Variants in DSCAM observed in about 807,000 individuals in gnomAD.
The protein encoded by DSCAM is DS cell adhesion molecule.
Under a neutral mutation model 217.7 loss-of-function variants are expected in DSCAM, and 47 were observed. The ratio of observed to expected loss-of-function variants is 0.22; its 90% CI spans 0.17 to 0.28. The LOEUF is 0.28. DSCAM is among the 10% of genes least tolerant of loss of function. DSCAM has a pLI of 1.00. For missense variants in DSCAM, 2,080 were observed against 2,618.3 expected (o/e 0.79, Z 4.49); for synonymous variants, 1,056 against 1,015.3 (o/e 1.04, Z -0.76).
chr21:40,305,580 G>C (rs1056480583), intron 9 of DSCAM, among the ~76,000 whole-genome samples: 7 of 151,964 alleles, frequency 4.6e-5, no homozygotes, highest in South Asian at 2.1e-4. Flanking sequence ...TTAGGTCTAA[G>C]GTTTAAGTCT....
At chr21:40,179,958 G>A (rs923953546) in intron 14 of DSCAM, among the ~76,000 whole-genome samples, 1 of 152,230 alleles carries the variant, frequency 6.6e-6, no homozygotes, top group Non-Finnish European at 1.5e-5. Flanking sequence ...CAGAGATGGT[G>A]CCTACATATT....
At chr21:40,401,282 G>C (rs1569105212) in intron 3 of DSCAM, among the ~76,000 whole-genome samples, 2 of 152,122 alleles carry the variant, frequency 1.3e-5, no homozygotes, top group East Asian at 3.9e-4. Flanking sequence ...CACTTTATGG[G>C]AATACATTTC....
At chr21:40,581,288 A>G (rs1249005655) in intron 3 of DSCAM, among the ~76,000 whole-genome samples, 3 of 152,206 alleles carry the variant, frequency 2.0e-5, no homozygotes, top group Admixed American at 6.5e-5. Flanking sequence ...TGCTAGTTCC[A>G]TGGGCTGAGC....
At chr21:40,031,924 C>G (rs192219078) in intron 32 of DSCAM, among the ~76,000 whole-genome samples, 1 of 152,302 alleles carries the variant, frequency 6.6e-6, no homozygotes, top group East Asian at 1.9e-4. Flanking sequence ...GAGGGGTCAG[C>G]CTTGTCTTCC....
intron 8 of DSCAM, among the ~76,000 whole-genome samples, chr21:40,315,572 C>T (rs1016148471): frequency 1.4e-4 from 21 of 152,050 alleles, no homozygotes; most frequent in Non-Finnish European, 2.5e-4. Flanking sequence ...AAAACCAAAA[C>T]GAAAACCAAA....
intron 1 of DSCAM, among the ~76,000 whole-genome samples, chr21:40,770,875 G>A (rs1219251873): frequency 3.3e-5 from 5 of 152,190 alleles, no homozygotes; most frequent in East Asian, 1.9e-4. Flanking sequence ...CAGATGCAGA[G>A]GCATATTGAA....
chr21:40,383,819 TAAGTAAACAAGAATTATTCA>T (rs1472989959), intron 3 of DSCAM: 1 of 152,194 alleles, frequency 6.6e-6, no homozygotes, highest in Non-Finnish European at 1.5e-5. Context: ...TACATTGTTT[TAAGTAAACAAGAATTATTCA>T]AAGGACAAAA....
rs1195878477 is a variant in DSCAM at position 40,266,793 on chromosome 21, TATATATAC to T, written c.2356+9296_2356+9303del. 4.8e-3 allele frequency among the ~76,000 whole-genome samples: 649 copies of T among 136,284 alleles called. 8 individuals are homozygous for T. Among genetic ancestry groups the T allele is most frequent in the Middle Eastern group, 0.029 (8 of 274 alleles). 89.4% of individuals were successfully genotyped at this position (136,284 alleles called of 152,430 possible). On this transcript the variant is annotated intron_variant, in intron 11 of 32. Coordinates refer to ENST00000400454, the MANE Select transcript of DSCAM (RefSeq NM_001389.5). ...TTTCACATGCATATATATATATATA[TATATATAC>T]ACACACACACACCCCCACACACATC...
intron 11 of DSCAM, among the ~76,000 whole-genome samples, chr21:40,259,903 A>G (rs1247884616): frequency 6.6e-6 from 1 of 151,038 alleles, no homozygotes; most frequent in Non-Finnish European, 1.5e-5. Flanking sequence ...AGTTTTTTGT[A>G]TTTTTAGTAG....
At chr21:40,437,027 G>T (rs1056741763) in intron 3 of DSCAM, among the ~76,000 whole-genome samples, 13 of 152,184 alleles carry the variant, frequency 8.5e-5, no homozygotes, top group Non-Finnish European at 1.3e-4. Context: ...CTGCAGATAT[G>T]CCACATACCT....
At chr21:40,605,633 A>G (rs1176962330) in intron 3 of DSCAM, among the ~76,000 whole-genome samples, 1 of 152,144 alleles carries the variant, frequency 6.6e-6, no homozygotes, top group African/African-American at 2.4e-5. Flanking sequence ...GGGTTGGGCC[A>G]CATTTGGCCT....
chr21:40,075,307 TC>T, intron 26 of DSCAM, 94 bp from the exon 27 acceptor site: 1 of 1,363,756 alleles, frequency 7.3e-7, no homozygotes, highest in Admixed American at 2.0e-5. Flanking sequence ...CGCTGTGTGA[TC>T]CAAGGGTGTT....
Position 40,305,908 on chromosome 21 carries a change from T to C in DSCAM, c.2062+6173A>G, listed in dbSNP as rs997285166. ...CCAGCTTTGTTCTTTTGGCTTAGGA[T>C]TGACTTGGCGACGCGGGCTCTTTTT... On this transcript the variant is annotated intron_variant, in intron 9 of 32. Transcript: ENST00000400454. 1.5e-4 allele frequency among the ~76,000 whole-genome samples: 23 copies of C among 152,164 alleles called. No homozygotes were observed. In the East Asian group the frequency reaches 1.5e-3, roughly 10 times the overall value.
At chr21:40,393,202 C>A (rs765674499) in intron 3 of DSCAM, among the ~76,000 whole-genome samples, 26 of 152,184 alleles carry the variant, frequency 1.7e-4, no homozygotes, top group Non-Finnish European at 2.8e-4. Flanking sequence ...ATTTCTCAGT[C>A]TCTCCCACTT....
At chr21:40,082,513 C>A (rs2089476941) in intron 24 of DSCAM, among the ~76,000 whole-genome samples, 1 of 147,202 alleles carries the variant, frequency 6.8e-6, no homozygotes, top group Non-Finnish European at 1.5e-5. Context: ...GTGACTCGTA[C>A]AATTTGTGCT....
At chr21:40,770,565 A>G (rs9982814) in intron 1 of DSCAM, among the ~76,000 whole-genome samples, 51,226 of 152,174 alleles carry the variant, frequency 0.34, 9,006 homozygotes, top group African/African-American at 0.42. Flanking sequence ...CAGGGCTCAC[A>G]GCCCTTACCG....
In DSCAM at chr21:40,339,427, C is replaced by G; in HGVS notation, c.1211-12G>C. ...TTTGGGAGTTCCATCTGCAGGAAAACAAATTATGGAAGAAAGTGGCACATA... is the reference window on the plus strand; with the variant it reads ...TTTGGGAGTTCCATCTGCAGGAAAAGAAATTATGGAAGAAAGTGGCACATA... On this transcript the variant is annotated splice_polypyrimidine_tract_variant and intron_variant, in intron 6 of 32. Transcript: ENST00000400454. 2 of 1,585,258 alleles carry G rather than the reference C, an allele frequency of 1.3e-6. No individual in the cohort carries two copies. The highest frequency in any genetic ancestry group is 1.1e-5 in the South Asian group (1 of 88,486).
chr21:40,760,307 C>A (rs540620958), intron 1 of DSCAM, among the ~76,000 whole-genome samples: 3 of 152,174 alleles, frequency 2.0e-5, no homozygotes, highest in East Asian at 1.9e-4. Flanking sequence ...GGAGCCACTA[C>A]GCCCAGCCAC....
chr21:40,110,442 T>C (rs572024695), intron 20 of DSCAM, among the ~76,000 whole-genome samples: 32 of 151,776 alleles, frequency 2.1e-4, no homozygotes, highest in Admixed American at 4.6e-4. Flanking sequence ...AGACCAAAGG[T>C]AGATAAAACC....
Sources: allele counts gnomAD v4.1 joint callset (sites outside exome capture counted in the v4.1 genomes callset), GRCh38; gene constraint gnomAD v4.1.1; transcripts MANE v1.5; gene names NCBI Gene and HGNC (gene_info 2026-07-23, HGNC 2026-07-21).